The following USH2A variants were observed in gnomAD, a reference collection of about 807,000 sequenced individuals.
USH2A encodes Usher syndrome 2A (autosomal recessive, mild).
A neutral mutation model predicts 538.9 loss-of-function variants in USH2A; 443 were observed. The observed-to-expected ratio is 0.82, with a 90% CI of 0.76 to 0.89. The LOEUF is 0.89. Among genes scored for constraint, USH2A ranks in the 40% least tolerant of loss-of-function variants. The pLI, the probability that USH2A is intolerant of heterozygous loss-of-function variation, is 0.00. For synonymous variants in USH2A, 2,413 were observed against 2,273.5 expected, an observed-to-expected ratio of 1.06 and a Z score of -1.75; for missense variants, 6,633 against 6,324.8, an observed-to-expected ratio of 1.05 and a Z score of -1.65.
chr1:216,250,924 T>A lies in USH2A; in HGVS notation c.2146A>T (p.Lys716Ter), dbSNP rs1364987785. 1.2e-6 allele frequency: 2 copies of A among 1,613,924 alleles called. No homozygotes were observed. Among genetic ancestry groups the A allele is most frequent in the Admixed American group, 3.3e-5 (2 of 60,010 alleles). ...GTACCAATAACGTTTGCTTTGCACT[T>A]GCACTGGCCTGAATTTTGGTGACAG... is the stretch of plus-strand genomic sequence containing the variant. ...ITCHQNSGQC[K>*]CKANVIGLRC... Residue 716 changes from lysine to a stop codon, truncating the protein, a stop_gained, in exon 12 of 72, where the codon AAG becomes TAG. Transcript: ENST00000307340. LOFTEE classifies it high-confidence loss of function.
At chr1:216,417,402 G>T (rs1465208195) in intron 3 of USH2A, among the ~76,000 whole-genome samples, 1 of 152,036 alleles carries the variant, frequency 6.6e-6, no homozygotes, top group South Asian at 2.1e-4. Context: ...GGAAACTGTG[G>T]TACCCAGCAC....
chr1:216,032,207 CA>C (rs567612107), intron 32 of USH2A, among the ~76,000 whole-genome samples: 264 of 151,770 alleles, frequency 1.7e-3, no homozygotes, highest in Non-Finnish European at 2.4e-3. Context: ...TTTTTGCATG[CA>C]GAGGATGTTT....
At chr1:216,024,304 A>T (rs543071599) in intron 32 of USH2A, among the ~76,000 whole-genome samples, 2 of 152,226 alleles carry the variant, frequency 1.3e-5, no homozygotes, top group East Asian at 3.9e-4. Flanking sequence ...TTAAAAAGAA[A>T]AACAGAATAG....
chr1:216,097,359 C>T, intron 21 of USH2A, 146 bp from the exon 22 acceptor site: 1 of 1,423,578 alleles, frequency 7.0e-7, no homozygotes. Flanking sequence ...TGGTCTAGGC[C>T]ATTTGGTTTT....
intron 14 of USH2A, among the ~76,000 whole-genome samples, chr1:216,230,939 G>A (rs1292701310): frequency 6.7e-6 from 1 of 150,106 alleles, no homozygotes; most frequent in Non-Finnish European, 1.5e-5. Context: ...TGGCATTATA[G>A]CACATCTTCA....
chr1:215,830,809 A>G (rs1278698264), intron 47 of USH2A, among the ~76,000 whole-genome samples: 1 of 152,212 alleles, frequency 6.6e-6, no homozygotes, highest in East Asian at 1.9e-4. Flanking sequence ...ACAGAGTAGT[A>G]AAGCAAAGTT....
chr1:216,382,257 A>G (rs532267806), intron 3 of USH2A, among the ~76,000 whole-genome samples: 3 of 152,326 alleles, frequency 2.0e-5, no homozygotes, highest in African/African-American at 7.2e-5. Context: ...GTGCATGTCT[A>G]CTCAGATTTT....
At chr1:216,342,801 C>T (rs770408198) in intron 4 of USH2A, among the ~76,000 whole-genome samples, 8 of 151,840 alleles carry the variant, frequency 5.3e-5, no homozygotes, top group South Asian at 2.1e-4. Flanking sequence ...AACACATGGA[C>T]GAAGGGAGGG....
intron 9 of USH2A, among the ~76,000 whole-genome samples, chr1:216,309,314 G>A (rs1189845804): frequency 6.6e-6 from 1 of 152,010 alleles, no homozygotes; most frequent in East Asian, 1.9e-4. Context: ...TATAGATCTT[G>A]CTTAATAGGG....
intron 3 of USH2A, among the ~76,000 whole-genome samples, chr1:216,389,215 A>G (rs1313688096): frequency 2.0e-5 from 3 of 152,206 alleles, no homozygotes; most frequent in Non-Finnish European, 4.4e-5. Context: ...CAAAACAAAA[A>G]AAGAGTCTTA....
intron 32 of USH2A, among the ~76,000 whole-genome samples, chr1:216,004,042 G>T (rs1171603596): frequency 2.6e-5 from 4 of 152,132 alleles, no homozygotes. Context: ...TTGACTCCAA[G>T]GCTTTTGACC....
intron 38 of USH2A, among the ~76,000 whole-genome samples, chr1:215,926,925 T>C (rs1237828340): frequency 3.3e-5 from 5 of 152,056 alleles, no homozygotes; most frequent in African/African-American, 1.2e-4. Context: ...CCTATTCTTA[T>C]CTGACTTGCC....
chr1:216,260,883 G>A (rs564050740), intron 11 of USH2A, among the ~76,000 whole-genome samples: 2 of 152,172 alleles, frequency 1.3e-5, no homozygotes, highest in East Asian at 3.9e-4. Flanking sequence ...AAAGAAAGCC[G>A]GGAGCCAGAG....
intron 38 of USH2A, among the ~76,000 whole-genome samples, chr1:215,921,807 T>C (rs1356158949): frequency 6.6e-6 from 1 of 152,070 alleles, no homozygotes; most frequent in Non-Finnish European, 1.5e-5. Context: ...GGGATAATAA[T>C]AGCACTTGCC....
intron 38 of USH2A, among the ~76,000 whole-genome samples, chr1:215,901,776 G>A (rs894168433): frequency 6.6e-6 from 1 of 152,114 alleles, no homozygotes. Context: ...TTTTCCAACT[G>A]GTATAACTCA....
intron 21 of USH2A, among the ~76,000 whole-genome samples, chr1:216,101,809 A>T (rs1332757415): frequency 6.6e-6 from 1 of 152,240 alleles, no homozygotes; most frequent in Non-Finnish European, 1.5e-5. Flanking sequence ...CATTCAGGAA[A>T]TATTTAAGGA....
At chr1:215,637,074 AG>A (rs1656517881) in intron 69 of USH2A, among the ~76,000 whole-genome samples, 2 of 152,026 alleles carry the variant, frequency 1.3e-5, no homozygotes, top group Non-Finnish European at 2.9e-5. Flanking sequence ...GTTCACTGTC[AG>A]GGTTTGAAAC....
intron 6 of USH2A, among the ~76,000 whole-genome samples, chr1:216,325,069 A>G (rs1228528983): frequency 6.6e-6 from 1 of 152,168 alleles, no homozygotes; most frequent in Non-Finnish European, 1.5e-5. Context: ...GCAGAGATTG[A>G]AGTTGTGGTG....
At chr1:216,111,296 G>A (rs1335716217) in intron 21 of USH2A, among the ~76,000 whole-genome samples, 1 of 152,120 alleles carries the variant, frequency 6.6e-6, no homozygotes, top group Non-Finnish European at 1.5e-5. Context: ...AGTATTCCCT[G>A]TTTATATCAT....
Sources: gnomAD v4.1 joint callset for allele counts (sites outside exome capture counted in the v4.1 genomes callset) on GRCh38, gnomAD v4.1.1 for gene constraint, MANE v1.5 for transcripts, NCBI Gene and HGNC (gene_info 2026-07-23, HGNC 2026-07-21) for gene names.